The following PSG3 variants were observed in gnomAD, a reference collection of about 807,000 sequenced individuals.
PSG3 encodes pregnancy specific beta-1-glycoprotein 3, also known as pregnancy-specific beta-1-glycoprotein 3.
In PSG3, 61 loss-of-function variants were observed where a neutral mutation model predicts 47.5. The ratio of observed to expected loss-of-function variants is 1.28; its 90% confidence interval spans 1.05 to 1.59. The LOEUF (loss-of-function observed/expected upper bound fraction) is 1.59, where lower values mean the gene tolerates loss of function less well. PSG3 is among the 40% of genes most tolerant of loss of function. The pLI is 0.00. For synonymous variants in PSG3, 263 were observed against 198.4 expected (o/e 1.33, Z -2.74); for missense variants, 756 against 524.0 (o/e 1.44, Z -4.32).
chr19:42,731,926 T>C (rs1357972087), intron 3 of PSG3: 1 of 151,310 alleles, frequency 6.6e-6, no homozygotes, highest in Admixed American at 6.6e-5. Flanking sequence ...TTCAGATTGT[T>C]CATTGTTAGT....
At chr19:42,727,836 A>C (rs570072272) in intron 5 of PSG3, among the ~76,000 whole-genome samples, 59 of 152,378 alleles carry the variant, frequency 3.9e-4, no homozygotes, top group African/African-American at 1.4e-3. Flanking sequence ...TCAGAGAAGC[A>C]TTACTCACAC....
rs1969614457 is a variant in PSG3 at position 42,738,901 on chromosome 19, C to G, written c.253G>C (p.Asp85His). Residue 85 changes from aspartate (D) to histidine (H), a missense_variant, in exon 2 of 7, where the codon GAT becomes CAT. Transcript: ENST00000327495. ...LYHYITSYVV[D>H]GQIIIYGPAY... ...GGCCCATATATAATTATTTGACCATCTACTACGTATGATGTAATGTAATGG... is the reference window on the plus strand; with the variant it reads ...GGCCCATATATAATTATTTGACCATGTACTACGTATGATGTAATGTAATGG... 1 of 1,614,094 alleles carries G rather than the reference C, an allele frequency of 6.2e-7. No individual in the cohort carries two copies. Among genetic ancestry groups the G allele is most frequent in the Non-Finnish European group, 8.5e-7 (1 of 1,179,994 alleles).
At chr19:42,733,226 C>G (rs529629322) in intron 2 of PSG3, among the ~76,000 whole-genome samples, 164 bp from the exon 3 acceptor site, 1 of 152,224 alleles carries the variant, frequency 6.6e-6, no homozygotes, top group African/African-American at 2.4e-5. Context: ...AATCTGAGGG[C>G]TCAGAGATTG....
intron 5 of PSG3, among the ~76,000 whole-genome samples, chr19:42,724,355 A>G (rs1428563472): frequency 1.3e-5 from 2 of 152,154 alleles, no homozygotes; most frequent in South Asian, 2.1e-4. Flanking sequence ...TCTTTTTCTC[A>G]GTGTCTCTGT....
In PSG3 at chr19:42,729,251, A is replaced by T. The variant is rs751121227; in HGVS notation, c.1115T>A (p.Phe372Tyr). The change falls in exon 5 of 7, where the codon TTT (phenylalanine) becomes TAT (tyrosine). Residue 372 changes from phenylalanine to tyrosine, a missense_variant. Phe to Tyr is a conservative substitution (Grantham distance 22). Coordinates refer to ENST00000327495, the MANE Select transcript of PSG3 (RefSeq NM_021016.4). ...AEYSWTINGK[F>Y]QLSGQKLFIP... is the part of the protein sequence containing the mutation. ...AAAGAGCTTTTGTCCTGATAGCTGA[A>T]ACTTCCCATTAATTGTCCAAGAATA... 6 of 1,613,952 alleles carry T rather than the reference A, an allele frequency of 3.7e-6. No homozygotes were observed. The highest frequency in any genetic ancestry group is 3.3e-4 in the Middle Eastern group (2 of 6,080).
At chr19:42,735,098 C>G (rs374165268) in intron 2 of PSG3, among the ~76,000 whole-genome samples, 7 of 152,224 alleles carry the variant, frequency 4.6e-5, no homozygotes, top group African/African-American at 1.2e-4. Flanking sequence ...GCCACCTCCA[C>G]CTGGTCCCCA....
intron 1 of PSG3, chr19:42,739,444 C>T (rs973913113): frequency 3.2e-5 from 8 of 252,158 alleles, no homozygotes; most frequent in Non-Finnish European, 5.3e-5. Context: ...CCTTCAGAGA[C>T]CCTGGGTCTT....
In PSG3 at chr19:42,732,678, G is replaced by A. The variant is rs1969491772; in HGVS notation, c.709+106C>T. ...GTCATGGCCAGGTTTGATGTCCAGG[G>A]GTAAAGGTCTCTGTACTTGGACCTG... On this transcript the variant is annotated intron_variant, in intron 3 of 6. Coordinates refer to ENST00000327495, the MANE Select transcript of PSG3 (RefSeq NM_021016.4). 17 of 1,612,758 alleles carry A rather than the reference G, an allele frequency of 1.1e-5. No individual in the cohort carries two copies. In the South Asian group the frequency reaches 1.6e-4, roughly 16 times the overall value.
At chr19:42,730,422 C>G (rs1220194285) in intron 3 of PSG3, among the ~76,000 whole-genome samples, 1 of 152,184 alleles carries the variant, frequency 6.6e-6, no homozygotes, top group Admixed American at 6.5e-5. Flanking sequence ...TGGGCCCCTT[C>G]CAAATTCCAT....
chr19:42,740,388 C>G lies in PSG3; in HGVS notation c.-4G>C. The G allele has an allele frequency of 6.2e-7, 1 of 1,614,040 alleles. No individual in the cohort carries two copies. The highest frequency in any genetic ancestry group is 8.5e-7 in the Non-Finnish European group (1 of 1,179,932). ...GAGGGGCTGAGAGGGGCCCCATGGT[C>G]TCTGCTGCCTGCGTGTTCTCCTCTG... On this transcript the variant is annotated 5_prime_UTR_variant, in exon 1 of 7. Coordinates refer to ENST00000327495, the MANE Select transcript of PSG3 (RefSeq NM_021016.4).
chr19:42,731,620 G>A (rs1182242698), intron 3 of PSG3, among the ~76,000 whole-genome samples: 4 of 151,874 alleles, frequency 2.6e-5, no homozygotes, highest in African/African-American at 9.7e-5. Context: ...ATAAGAGCCT[G>A]TCAGGTGAGA....
At chr19:42,729,516 C>A in intron 4 of PSG3, 139 bp from the exon 5 acceptor site, 2 of 1,483,290 alleles carry the variant, frequency 1.3e-6, no homozygotes, top group East Asian at 4.5e-5. Flanking sequence ...GTTCACTGAG[C>A]TGAAGCCTGA....
chr19:42,734,385 G>T (rs1481946974), intron 2 of PSG3, among the ~76,000 whole-genome samples: 1 of 152,168 alleles, frequency 6.6e-6, no homozygotes, highest in African/African-American at 2.4e-5. Flanking sequence ...GGTCAGAAGG[G>T]TTGAGTTTTG....
chr19:42,734,469 G>T lies in PSG3; in HGVS notation c.431-1407C>A, dbSNP rs559849625. Among the ~76,000 whole-genome samples the T allele has an allele frequency of 2.4e-4, 37 of 152,246 alleles. 1 individual carries two copies. The South Asian group carries it at 7.5e-3, about 31-fold the overall frequency. On this transcript the variant is annotated intron_variant, in intron 2 of 6. Coordinates refer to ENST00000327495, the MANE Select transcript of PSG3 (RefSeq NM_021016.4). ...TACTGTAATTTTCCCATAAAAATTT[G>T]TCAGGAGTTTAGACCTTATGTTCTG...
intron 2 of PSG3, among the ~76,000 whole-genome samples, chr19:42,736,987 G>T (rs1250167136): frequency 6.6e-6 from 1 of 152,122 alleles, no homozygotes; most frequent in African/African-American, 2.4e-5. Context: ...AAGCTGTGCA[G>T]GACAGGGCTT....
intron 1 of PSG3, 54 bp downstream of exon 1, chr19:42,740,267 A>G: frequency 6.2e-7 from 1 of 1,613,624 alleles, no homozygotes; most frequent in South Asian, 1.1e-5. Context: ...AGGAGACCCC[A>G]TCCAGTCACT....
At chr19:42,739,132 A>G (rs1290552325) in intron 1 of PSG3, 43 bp from the exon 2 acceptor site, 1 of 1,560,922 alleles carries the variant, frequency 6.4e-7, no homozygotes, top group East Asian at 2.2e-5. Flanking sequence ...AGACCTATGC[A>G]TTGGGGTGAA....
At chr19:42,738,630 G>C (rs1969606485) in intron 2 of PSG3, 94 bp downstream of exon 2, 2 of 1,606,974 alleles carry the variant, frequency 1.2e-6, no homozygotes, top group Non-Finnish European at 1.7e-6. Flanking sequence ...ATAATGCAGA[G>C]AGGGACACAG....
At chr19:42,728,424 C>T (rs1198140695) in intron 5 of PSG3, among the ~76,000 whole-genome samples, 2 of 152,214 alleles carry the variant, frequency 1.3e-5, no homozygotes, top group Non-Finnish European at 2.9e-5. Context: ...CCCACAGCCT[C>T]ATACAGCCGG....
Sources: gnomAD v4.1 joint callset for allele counts (sites outside exome capture counted in the v4.1 genomes callset) on GRCh38, gnomAD v4.1.1 for gene constraint, MANE v1.5 for transcripts, NCBI Gene and HGNC (gene_info 2026-07-23, HGNC 2026-07-21) for gene names.